Variants in SUGCT observed in about 807,000 individuals in gnomAD.
SUGCT encodes the protein succinyl-CoA:glutarate CoA-transferase.
Under a neutral mutation model 55.0 loss-of-function variants are expected in SUGCT, and 41 were observed. The ratio of observed to expected loss-of-function variants is 0.74; its 90% CI spans 0.58 to 0.97. The LOEUF (loss-of-function observed/expected upper bound fraction) is 0.97, where lower values mean the gene tolerates loss of function less well. SUGCT is among the 50% of genes least tolerant of loss of function. The pLI, the probability that SUGCT is intolerant of heterozygous loss-of-function variation, is 0.00. For synonymous variants in SUGCT, 187 were observed against 200.4 expected (o/e 0.93, Z 0.56); for missense variants, 568 against 547.8 (o/e 1.04, Z -0.37).
At chr7:40,465,422 C>T (rs921715227) in intron 11 of SUGCT, among the ~76,000 whole-genome samples, 1 of 151,932 alleles carries the variant, frequency 6.6e-6, no homozygotes, top group African/African-American at 2.4e-5. Context: ...CCAGCCTGGC[C>T]AACATGGTGA....
At chr7:40,689,462 A>G (rs1784597480) in intron 12 of SUGCT, among the ~76,000 whole-genome samples, 1 of 152,190 alleles carries the variant, frequency 6.6e-6, no homozygotes, top group Non-Finnish European at 1.5e-5. Flanking sequence ...TAATTTTCCA[A>G]TGAGAATATT....
At chr7:40,753,040 T>A (rs750812586) in intron 13 of SUGCT, among the ~76,000 whole-genome samples, 1 of 152,164 alleles carries the variant, frequency 6.6e-6, no homozygotes, top group South Asian at 2.1e-4. Flanking sequence ...ACATCTGAAT[T>A]CCTCATGAGA....
At chr7:40,765,477 A>C (rs1033546548) in intron 13 of SUGCT, among the ~76,000 whole-genome samples, 1 of 151,460 alleles carries the variant, frequency 6.6e-6, no homozygotes, top group East Asian at 1.9e-4. Flanking sequence ...AAAAAAAAAA[A>C]CCCTAAAAAC....
intron 11 of SUGCT, among the ~76,000 whole-genome samples, chr7:40,473,405 A>AT (rs1790502290): frequency 6.6e-6 from 1 of 152,132 alleles, no homozygotes; most frequent in African/African-American, 2.4e-5. Context: ...TTGAAATATT[A>AT]TTTTTCAGTG....
intron 12 of SUGCT, among the ~76,000 whole-genome samples, chr7:40,601,702 C>G (rs1798298052): frequency 6.6e-6 from 1 of 151,808 alleles, no homozygotes; most frequent in Non-Finnish European, 1.5e-5. Context: ...GAATGTGGCC[C>G]AACACAAATT....
chr7:40,616,329 G>T (rs1222169091), intron 12 of SUGCT, among the ~76,000 whole-genome samples: 2 of 152,144 alleles, frequency 1.3e-5, no homozygotes, highest in African/African-American at 4.8e-5. Flanking sequence ...CCAAGTAGCT[G>T]GGATTACAGT....
At chr7:40,317,093 C>T (rs1223504253) in intron 9 of SUGCT, among the ~76,000 whole-genome samples, 2 of 151,048 alleles carry the variant, frequency 1.3e-5, no homozygotes, top group African/African-American at 4.9e-5. Flanking sequence ...AAGGAACTTG[C>T]TGAAAGTAAG....
chr7:40,319,419 T>C (rs1795608913), intron 9 of SUGCT, among the ~76,000 whole-genome samples: 1 of 152,198 alleles, frequency 6.6e-6, no homozygotes, highest in Non-Finnish European at 1.5e-5. Context: ...AGGATAATTA[T>C]AATTTAGTTT....
intron 9 of SUGCT, among the ~76,000 whole-genome samples, chr7:40,403,723 A>G (rs962296449): frequency 6.6e-6 from 1 of 152,194 alleles, no homozygotes; most frequent in Non-Finnish European, 1.5e-5. Context: ...ATGATTCACA[A>G]CTTCTGTCTA....
At chr7:40,671,776 A>G (rs752317234) in intron 12 of SUGCT, among the ~76,000 whole-genome samples, 15 of 152,200 alleles carry the variant, frequency 9.9e-5, no homozygotes, top group Non-Finnish European at 1.3e-4. Context: ...CATGTCTCCA[A>G]ATTCATATAT....
intron 9 of SUGCT, among the ~76,000 whole-genome samples, chr7:40,436,583 A>G (rs1788189748): frequency 6.6e-6 from 1 of 152,196 alleles, no homozygotes; most frequent in Admixed American, 6.5e-5. Context: ...GCTCTGTTCT[A>G]TAAATGCCTT....
chr7:40,502,347 G>A lies in SUGCT; in HGVS notation c.1089+5961G>A, dbSNP rs1792326593. On this transcript the variant is annotated intron_variant, in intron 12 of 13. Coordinates refer to ENST00000335693, the MANE Select transcript of SUGCT (RefSeq NM_001193313.2). ...AGAAAACTGAATTATACTATTTGGG[G>A]GCATTTTGCAACCCAGAATAAAGAG... 2.0e-5 allele frequency among the ~76,000 whole-genome samples: 3 copies of A among 151,790 alleles called. No individual in the cohort carries two copies. In the South Asian group the frequency reaches 6.2e-4, roughly 31 times the overall value.
At chr7:40,482,231 T>C (rs1791092967) in intron 11 of SUGCT, among the ~76,000 whole-genome samples, 1 of 152,180 alleles carries the variant, frequency 6.6e-6, no homozygotes. Flanking sequence ...TAGACCCTTA[T>C]AGTGAATATT....
At chr7:40,185,148 G>A (rs1785429218) in intron 3 of SUGCT, among the ~76,000 whole-genome samples, 2 of 152,216 alleles carry the variant, frequency 1.3e-5, no homozygotes, top group African/African-American at 4.8e-5. Flanking sequence ...GTCATTGTTG[G>A]ATACATGCGG....
At chr7:40,899,709 A>G in the SUGCT span, among the ~76,000 whole-genome samples, 1 of 152,126 alleles carries the variant, frequency 6.6e-6, no homozygotes, top group African/African-American at 2.4e-5. Context: ...TTTTTTCTTA[A>G]GGAAATTAAA....
chr7:40,820,954 T>C (rs1791959867), intron 13 of SUGCT, among the ~76,000 whole-genome samples: 1 of 152,230 alleles, frequency 6.6e-6, no homozygotes, highest in Non-Finnish European at 1.5e-5. Flanking sequence ...ACCTAGTTTA[T>C]TGAGAGTTTT....
intron 12 of SUGCT, among the ~76,000 whole-genome samples, chr7:40,567,179 G>A (rs539385957): frequency 3.3e-5 from 5 of 152,270 alleles, no homozygotes; most frequent in Middle Eastern, 3.4e-3. Context: ...AAACACTGAC[G>A]TTTGATAAAA....
intron 8 of SUGCT, among the ~76,000 whole-genome samples, chr7:40,301,143 T>A (rs1421687157): frequency 6.6e-6 from 1 of 152,148 alleles, no homozygotes; most frequent in Non-Finnish European, 1.5e-5. Flanking sequence ...TTTTATAGTG[T>A]TTAGTGTGTG....
At chr7:40,180,747 C>T (rs570768585) in intron 1 of SUGCT, among the ~76,000 whole-genome samples, 200 bp from the exon 2 acceptor site, 5 of 152,204 alleles carry the variant, frequency 3.3e-5, no homozygotes, top group East Asian at 1.9e-4. Flanking sequence ...CCTCGGCCTC[C>T]GAAAGTGCTG....
Sources: gnomAD v4.1 joint callset for allele counts (sites outside exome capture counted in the v4.1 genomes callset) on GRCh38, gnomAD v4.1.1 for gene constraint, MANE v1.5 for transcripts, NCBI Gene and HGNC (gene_info 2026-07-23, HGNC 2026-07-21) for gene names.